IL18BP: variants seen among roughly 807,000 people sequenced by gnomAD.
IL18BP encodes the protein interleukin 18 binding protein.
A neutral mutation model predicts 19.9 loss-of-function variants in IL18BP; 23 were observed. The observed-to-expected ratio is 1.15, with a 90% CI of 0.83 to 1.64. IL18BP has a LOEUF of 1.64. IL18BP is among the 40% of genes most tolerant of loss of function. The probability of loss-of-function intolerance (pLI) is 0.00; values close to 1 mark genes in which losing one functional copy is unlikely to be tolerated. For synonymous variants in IL18BP, 107 were observed against 101.0 expected (o/e 1.06, Z -0.35); for missense variants, 239 against 240.7 (o/e 0.99, Z 0.05).
intron 3 of IL18BP, among the ~76,000 whole-genome samples, 161 bp downstream of exon 3, chr11:72,000,718 G>T (rs182083050): frequency 6.8e-4 from 103 of 152,304 alleles, no homozygotes; most frequent in Non-Finnish European, 7.6e-4. Flanking sequence ...ATGGGTGCAG[G>T]CTTGGCGCAG....
downstream of IL18BP, chr11:72,004,683 T>C: frequency 6.2e-7 from 1 of 1,613,562 alleles, no homozygotes. Flanking sequence ...GGAGACCCGT[T>C]TGCGCTGCTG....
At chr11:72,007,598 GCCTT>G, downstream of IL18BP, 1 of 867,906 alleles carries the variant, frequency 1.2e-6, no homozygotes. Context: ...CTTGACCTGG[GCCTT>G]CCTTTCAGTC....
At chr11:72,001,092 A>G in intron 3 of IL18BP, 109 bp from the exon 4 acceptor site, 4 of 1,360,432 alleles carry the variant, frequency 2.9e-6, no homozygotes, top group South Asian at 1.2e-5. Flanking sequence ...GCAGTTCTCT[A>G]GGTTCCAGAT....
chr11:72,002,030 C>G lies in IL18BP; in HGVS notation c.*169C>G. ...TCACCAAATTCAAACTCCATTCCCACCTACCTAGAAAATCACAGCCTCCTT... is the reference window on the plus strand; with the variant it reads ...TCACCAAATTCAAACTCCATTCCCAGCTACCTAGAAAATCACAGCCTCCTT... On this transcript the variant is annotated 3_prime_UTR_variant, in exon 6 of 6. Transcript: ENST00000393703. The G allele has an allele frequency of 1.1e-6, 1 of 941,426 alleles. No homozygotes were observed. Among genetic ancestry groups the G allele is most frequent in the East Asian group, 2.7e-5 (1 of 37,716 alleles). 58.3% of individuals were successfully genotyped at this position (941,426 alleles called of 1,614,324 possible).
Position 72,001,234 on chromosome 11 carries a change from G to C in IL18BP, c.269G>C (p.Ser90Thr), listed in dbSNP as rs367559597. The C allele has an allele frequency of 3.0e-5, 49 of 1,614,102 alleles. No homozygotes were observed. The highest frequency in any genetic ancestry group is 1.0e-4 in the Admixed American group (6 of 60,002). ...GTLSLSCVAC[S>T]RFPNFSILYW... is the part of the protein sequence containing the mutation. ...CTGAGCTTATCCTGTGTGGCCTGCAGCCGCTTCCCCAACTTCAGCATCCTC... is the reference window on the plus strand; with the variant it reads ...CTGAGCTTATCCTGTGTGGCCTGCACCCGCTTCCCCAACTTCAGCATCCTC... Residue 90 changes from serine (S) to threonine (T), a missense_variant, in exon 4 of 6, where the codon AGC becomes ACC. Ser to Thr is a moderately conservative substitution (Grantham distance 58). Coordinates refer to ENST00000393703, the MANE Select transcript of IL18BP (RefSeq NM_001039660.2).
At chr11:72,007,346 G>A (rs1955801543), downstream of IL18BP, 2 of 1,613,732 alleles carry the variant, frequency 1.2e-6, no homozygotes, top group Non-Finnish European at 1.7e-6. Flanking sequence ...ACTCTCCAGG[G>A]ATTCTACCTT....
At chr11:72,000,971 T>C (rs1955185945) in intron 3 of IL18BP, among the ~76,000 whole-genome samples, 1 of 152,134 alleles carries the variant, frequency 6.6e-6, no homozygotes, top group African/African-American at 2.4e-5. Context: ...CAGAAGAGGA[T>C]TCATCACGTG....
chr11:71,999,922 A>T lies in IL18BP; in HGVS notation c.-58-5A>T. The T allele has an allele frequency of 1.3e-6, 2 of 1,580,808 alleles. No individual in the cohort carries two copies. ...TTACCATTCTCCTCCCCCACCTTTC[A>T]CCAGAGAAGAGGACGTTGTCACAGA... On this transcript the variant is annotated splice_polypyrimidine_tract_variant and splice_region_variant and intron_variant, in intron 1 of 5. Coordinates refer to ENST00000393703, the MANE Select transcript of IL18BP (RefSeq NM_001039660.2).
downstream of IL18BP, chr11:72,005,628 G>T: frequency 1.9e-6 from 1 of 522,836 alleles, no homozygotes; most frequent in Non-Finnish European, 3.3e-6. Flanking sequence ...ACCTGCCAAG[G>T]CTTGGTGGCC....
intron 1 of IL18BP, 124 bp downstream of exon 1, chr11:71,999,143 G>A (rs1955078859): frequency 3.9e-6 from 2 of 517,284 alleles, no homozygotes; most frequent in Non-Finnish European, 7.7e-6. Context: ...TGGTGGCTGG[G>A]GGAGTGGGTA....
downstream of IL18BP, chr11:72,004,007 G>T (rs746895217): frequency 6.2e-7 from 1 of 1,613,530 alleles, no homozygotes; most frequent in African/African-American, 1.3e-5. Context: ...CCTTGGACAG[G>T]GCCTTCTTTG....
chr11:72,008,185 A>C (rs1253143490), downstream of IL18BP: 4 of 472,558 alleles, frequency 8.5e-6, no homozygotes, highest in Admixed American at 9.5e-5. Flanking sequence ...TAATAAAAAC[A>C]TTTTTCCAGT....
At position 72,001,780 on chromosome 11, in the gene IL18BP, C is replaced by G. The variant is rs373635209; in HGVS notation, c.508-4C>G. ...CTGATCCTTGTCTGCCTTCACTTCC[C>G]TAGGCTGGGCTGAGGGCAACCTTGC... On this transcript the variant is annotated splice_polypyrimidine_tract_variant and splice_region_variant and intron_variant, in intron 5 of 5. Transcript: ENST00000393703. The G allele has an allele frequency of 6.2e-7, 1 of 1,613,994 alleles. No homozygotes were observed. Among genetic ancestry groups the G allele is most frequent in the African/African-American group, 1.3e-5 (1 of 74,920 alleles).
chr11:71,999,173 G>A (rs1565169874), intron 1 of IL18BP, 154 bp downstream of exon 1: 1 of 516,836 alleles, frequency 1.9e-6, no homozygotes, highest in Admixed American at 1.9e-5. Context: ...AGGCCAGGAT[G>A]TGGACGGACT....
At chr11:72,004,191 G>T, downstream of IL18BP, 1 of 1,604,172 alleles carries the variant, frequency 6.2e-7, no homozygotes, top group Non-Finnish European at 8.5e-7. Flanking sequence ...TCCCGCCAGG[G>T]CGTCGCTTCA....
At chr11:72,007,100 C>G (rs904403271), downstream of IL18BP, 1 of 1,498,056 alleles carries the variant, frequency 6.7e-7, no homozygotes, top group East Asian at 2.3e-5. Flanking sequence ...GCTCATCCCT[C>G]CCTGCTCCTG....
In IL18BP at chr11:72,000,479, TCCCAGCC is replaced by T; in HGVS notation, c.163_169del (p.Pro55CysfsTer13). 3 of 1,611,004 alleles carry T rather than the reference TCCCAGCC, an allele frequency of 1.9e-6. No individual in the cohort carries two copies. Among genetic ancestry groups the T allele is most frequent in the Non-Finnish European group, 2.5e-6 (3 of 1,177,544 alleles). ...TAGAAGCACAAAGGACCCCTGCCCC[TCCCAGCC>T]CCCAGTGTTCCCAGCAGCTAAGCAG... On this transcript the variant is annotated frameshift_variant, in exon 3 of 6. Transcript: ENST00000393703. LOFTEE classifies it high-confidence loss of function.
chr11:71,999,059 T>C (rs1274646212), intron 1 of IL18BP, 40 bp downstream of exon 1: 2 of 462,680 alleles, frequency 4.3e-6, no homozygotes, highest in Non-Finnish European at 8.6e-6. Context: ...GACCTGTGGC[T>C]CTGGCCAGAG....
At chr11:72,000,628 C>G (rs1955165003) in intron 3 of IL18BP, 71 bp downstream of exon 3, 11 of 1,308,792 alleles carry the variant, frequency 8.4e-6, no homozygotes, top group Non-Finnish European at 1.2e-5. Flanking sequence ...CTCCTGAGCG[C>G]CAGTCCCCTT....
Sources: gnomAD v4.1 joint callset for allele counts (sites outside exome capture counted in the v4.1 genomes callset) on GRCh38, gnomAD v4.1.1 for gene constraint, MANE v1.5 for transcripts, NCBI Gene and HGNC (gene_info 2026-07-23, HGNC 2026-07-21) for gene names.